CST7: variants seen among roughly 807,000 people sequenced by gnomAD.
The protein encoded by CST7 is cystatin F, also known as cystatin-F.
In CST7, 15 loss-of-function variants were observed where a neutral mutation model predicts 13.1. The ratio of observed to expected loss-of-function variants is 1.14; its 90% CI spans 0.77 to 1.76. The LOEUF (loss-of-function observed/expected upper bound fraction) is 1.76, where lower values mean the gene tolerates loss of function less well. CST7 is among the 40% of genes most tolerant of loss of function. The pLI is 0.00. For missense variants in CST7, 193 were observed against 178.8 expected, an observed-to-expected ratio of 1.08 and a Z score of -0.45; for synonymous variants, 75 against 66.9, an observed-to-expected ratio of 1.12 and a Z score of -0.59.
Position 24,959,828 on chromosome 20 carries a change from G to T in CST7, c.*116G>T. The stretch of plus-strand genomic sequence containing the variant: ...AGACCCTCTCAGGCCTCTGACGAGT[G>T]AGCGGGTGAAGTGCCACTGGGTCAC... On this transcript the variant is annotated 3_prime_UTR_variant, in exon 4 of 4. Coordinates refer to ENST00000480798, the MANE Select transcript of CST7 (RefSeq NM_003650.4). 9.4e-7 allele frequency: 1 copy of T among 1,061,422 alleles called. No homozygotes were observed. Among genetic ancestry groups the T allele is most frequent in the Non-Finnish European group, 1.4e-6 (1 of 690,670 alleles). The allele number at this position is 1,061,422 out of a possible 1,614,324, so 65.8% of individuals were successfully genotyped here.
intron 1 of CST7, among the ~76,000 whole-genome samples, chr20:24,953,530 C>T (rs1282388616): frequency 6.6e-6 from 1 of 152,160 alleles, no homozygotes; most frequent in Non-Finnish European, 1.5e-5. Context: ...TTCTTGTCAA[C>T]CTTAGGGGAC....
rs1483905062 is a variant in CST7 at position 24,959,102 on chromosome 20, C to T, written c.360+58C>T. 8 of 1,356,654 alleles carry T rather than the reference C, an allele frequency of 5.9e-6. No individual in the cohort carries two copies. In the East Asian group the frequency reaches 9.3e-5, roughly 16 times the overall value. 84.0% of individuals were successfully genotyped at this position (1,356,654 alleles called of 1,614,324 possible). A position where few individuals can be genotyped will look rare whatever the true frequency, so the allele number is the denominator to read the frequency against. ...CTCTCTTCCCCAGCCCACTCCCTCC[C>T]AGGACTGTGAAAAACACCGTCACCA... On this transcript the variant is annotated intron_variant, in intron 3 of 3. Transcript: ENST00000480798.
chr20:24,950,810 T>TGTGCCCTGCCCCCATC (rs2087814644), intron 1 of CST7, among the ~76,000 whole-genome samples: 1 of 152,082 alleles, frequency 6.6e-6, no homozygotes, highest in Admixed American at 6.5e-5. Flanking sequence ...CTGCTGCCAT[T>TGTGCCCTGCCCCCATC]CTGTGCCCTG....
At chr20:24,959,077 C>T (rs1264503077) in intron 3 of CST7, 33 bp downstream of exon 3, 2 of 1,488,046 alleles carry the variant, frequency 1.3e-6, no homozygotes, top group Non-Finnish European at 1.9e-6. Flanking sequence ...CAGATGTGCC[C>T]TCTCTTCCCC....
At chr20:24,950,066 G>C (rs1324576577) in intron 1 of CST7, among the ~76,000 whole-genome samples, 2 of 152,316 alleles carry the variant, frequency 1.3e-5, no homozygotes, top group Admixed American at 1.3e-4. Context: ...TCAGGGGGAG[G>C]GGGGACAGGG....
At chr20:24,959,596 G>T (rs1286843945) in intron 3 of CST7, 39 bp from the exon 4 acceptor site, 1 of 1,601,592 alleles carries the variant, frequency 6.2e-7, no homozygotes, top group East Asian at 2.2e-5. Context: ...TCCCCGCAGG[G>T]AAAGTCTAAG....
At chr20:24,958,654 G>C (rs1362240053) in intron 2 of CST7, among the ~76,000 whole-genome samples, 2 of 152,192 alleles carry the variant, frequency 1.3e-5, no homozygotes, top group African/African-American at 4.8e-5. Flanking sequence ...GGGCATGCAG[G>C]AGACCTAGTG....
rs140031304 is a variant in CST7 at position 24,951,050 on chromosome 20, G to A, written c.70+1475G>A. 6.8e-4 allele frequency among the ~76,000 whole-genome samples: 104 copies of A among 152,304 alleles called. 1 individual carries two copies. In the East Asian group the frequency reaches 0.018, roughly 26 times the overall value. On this transcript the variant is annotated intron_variant, in intron 1 of 3. Transcript: ENST00000480798. Reference sequence around the variant, plus strand: ...ACTATAACAGGGTGGCGTGGGAGCCGATGTGCTGGGCAGCTGGCAACGTCA... The same window carrying A: ...ACTATAACAGGGTGGCGTGGGAGCCAATGTGCTGGGCAGCTGGCAACGTCA...
chr20:24,956,506 T>A lies in CST7; in HGVS notation c.71-781T>A, dbSNP rs2087855344. On this transcript the variant is annotated intron_variant, in intron 1 of 3. Transcript: ENST00000480798. ...GGAGGCCCCCGATGCTGCTTCCCCATCTTTTATCCAAATATAGCCCTCCTT... is the reference window on the plus strand; with the variant it reads ...GGAGGCCCCCGATGCTGCTTCCCCAACTTTTATCCAAATATAGCCCTCCTT... 2.6e-5 allele frequency among the ~76,000 whole-genome samples: 4 copies of A among 152,146 alleles called. No homozygotes were observed. The South Asian group carries it at 8.3e-4, about 31-fold the overall frequency.
At chr20:24,955,594 T>C (rs1357316048) in intron 1 of CST7, among the ~76,000 whole-genome samples, 1 of 152,000 alleles carries the variant, frequency 6.6e-6, no homozygotes, top group African/African-American at 2.4e-5. Flanking sequence ...GGACTACAGG[T>C]GCCCGCCACC....
At chr20:24,951,927 G>A (rs1294621780) in intron 1 of CST7, among the ~76,000 whole-genome samples, 3 of 152,190 alleles carry the variant, frequency 2.0e-5, no homozygotes, top group African/African-American at 4.8e-5. Context: ...CCATCTGCCT[G>A]GACAGGGGCC....
intron 1 of CST7, among the ~76,000 whole-genome samples, chr20:24,953,411 G>A (rs1358493720): frequency 5.9e-5 from 9 of 152,172 alleles, no homozygotes; most frequent in Non-Finnish European, 1.0e-4. Flanking sequence ...CTCCGTGGGG[G>A]GTTTCCAAAC....
At position 24,949,272 on chromosome 20, in the gene CST7, G is replaced by C. The variant is rs527769166; in HGVS notation, c.-234G>C. The C allele has an allele frequency of 1.9e-5, 25 of 1,319,532 alleles. No homozygotes were observed. The East Asian group carries it at 6.4e-4, about 34-fold the overall frequency. The allele number at this position is 1,319,532 out of a possible 1,614,324, so 81.7% of individuals were successfully genotyped here. ...TGCCCCTGGGCTGGGACAGCCCACT[G>C]TTCCATGCTGCCCAAGAAGGCTCAG... On this transcript the variant is annotated 5_prime_UTR_variant, in exon 1 of 4. Transcript: ENST00000480798.
rs111449400 is a variant in CST7, at chr20:24,951,281, G to A, written c.70+1706G>A. On this transcript the variant is annotated intron_variant, in intron 1 of 3. Transcript: ENST00000480798. ...ACTGCACCCCGTCTCCGGCCCTGGG[G>A]AGGCTGAACAGAGGTGGCTCGGGGA... 6.1e-3 allele frequency among the ~76,000 whole-genome samples: 930 copies of A among 152,314 alleles called. 15 individuals are homozygous for A. The highest frequency in any genetic ancestry group is 0.022 in the African/African-American group (906 of 41,572).
Position 24,959,773 on chromosome 20 carries a change from C to G in CST7, c.*61C>G. On this transcript the variant is annotated 3_prime_UTR_variant, in exon 4 of 4. Coordinates refer to ENST00000480798, the MANE Select transcript of CST7 (RefSeq NM_003650.4). Reference sequence around the variant, plus strand: ...ACACCAGGATGCATGCTCCTTGTCCCCTCCCACCCGCCTCATGACCCAGCC... The same window carrying G: ...ACACCAGGATGCATGCTCCTTGTCCGCTCCCACCCGCCTCATGACCCAGCC... 1 of 1,519,180 alleles carries G rather than the reference C, an allele frequency of 6.6e-7. No homozygotes were observed. The highest frequency in any genetic ancestry group is 9.1e-7 in the Non-Finnish European group (1 of 1,094,100). 94.1% of individuals were successfully genotyped at this position (1,519,180 alleles called of 1,614,324 possible).
intron 1 of CST7, among the ~76,000 whole-genome samples, chr20:24,951,688 G>A (rs776945977): frequency 6.6e-6 from 1 of 152,160 alleles, no homozygotes; most frequent in South Asian, 2.1e-4. Flanking sequence ...TGCCGTCTGA[G>A]CATCTGGCCT....
rs770968135 is a variant in CST7, at chr20:24,949,353, C to T, written c.-153C>T. On this transcript the variant is annotated 5_prime_UTR_variant, in exon 1 of 4. In the 5' UTR this introduces an upstream ATG that the reference lacks. Coordinates refer to ENST00000480798, the MANE Select transcript of CST7 (RefSeq NM_003650.4). ...CCGTGCTGCCTGAGAAGGATTGGCA[C>T]GGGCACAGACCACTGCCCCCACCTG... is the stretch of plus-strand genomic sequence containing the variant. 127 of 1,549,998 alleles carry T rather than the reference C, an allele frequency of 8.2e-5. No individual in the cohort carries two copies. Among genetic ancestry groups the T allele is most frequent in the Admixed American group, 3.1e-4 (17 of 54,072 alleles).
chr20:24,957,514 C>T, intron 2 of CST7, 55 bp downstream of exon 2: 1 of 1,546,214 alleles, frequency 6.5e-7, no homozygotes, highest in South Asian at 1.2e-5. Context: ...AGCCGAGCTG[C>T]TACAACGCGA....
At chr20:24,959,183 T>G (rs1459024485) in intron 3 of CST7, 139 bp downstream of exon 3, 12 of 694,024 alleles carry the variant, frequency 1.7e-5, no homozygotes, top group Non-Finnish European at 3.0e-5. Context: ...CCTCCCAGAC[T>G]CCCGCACGAC....
Sources: allele counts gnomAD v4.1 joint callset (sites outside exome capture counted in the v4.1 genomes callset), GRCh38; gene constraint gnomAD v4.1.1; transcripts MANE v1.5; gene names NCBI Gene and HGNC (gene_info 2026-07-23, HGNC 2026-07-21).